The following GRM4 variants were observed in gnomAD, a reference collection of about 807,000 sequenced individuals.
GRM4 encodes the protein metabotropic glutamate receptor 4.
GRM4 carries 28 observed loss-of-function variants against 81.7 expected under a neutral mutation model. That is an observed-to-expected ratio of 0.34 (90% CI 0.25 to 0.47). The LOEUF is 0.47. Ranked by LOEUF, GRM4 falls within the 20% of genes least tolerant of loss-of-function variation. The pLI, the probability that GRM4 is intolerant of heterozygous loss-of-function variation, is 1.00. For synonymous variants in GRM4, 488 were observed against 528.8 expected (o/e 0.92, Z 1.06); for missense variants, 948 against 1,290.0 (o/e 0.73, Z 4.06).
rs1771119870 is a variant in GRM4 at position 34,155,005 on chromosome 6, C to G, written c.312+74G>C. On this transcript the variant is annotated intron_variant, in intron 1 of 8. Transcript: ENST00000374177. ...CCGAGCGGGACCCAGGCCCAGTCTA[C>G]GCCTCCCACAGTGCTGGGCACCTCC... The G allele has an allele frequency of 6.5e-6, 8 of 1,234,010 alleles. No homozygotes were observed. In the South Asian group the frequency reaches 1.1e-4, roughly 18 times the overall value. The allele number at this position is 1,234,010 out of a possible 1,614,324, so 76.4% of individuals were successfully genotyped here. A position where few individuals can be genotyped will look rare whatever the true frequency, so the allele number is the denominator to read the frequency against.
rs1474270034 is a variant in GRM4, at chr6:34,133,346, G to T, written c.151C>A (p.Leu51Met). The change falls in exon 2 of 11, where the codon CTG becomes ATG. Residue 51 changes from leucine to methionine, a missense_variant. Leu to Met is a conservative substitution (Grantham distance 15). Coordinates refer to ENST00000538487, the MANE Select transcript of GRM4 (RefSeq NM_000841.4). The surrounding 1 kb of genome is among the most constrained non-coding windows in gnomAD (Gnocchi z 6.5). ...CCATGCACCGGGAACAGGCCTCCCA[G>T]TGTGATGTCCCCATCTATGCGGATG... is the stretch of plus-strand genomic sequence containing the variant. ...NSIRIDGDIT[L>M]GGLFPVHGRG... 6.2e-7 allele frequency: 1 copy of T among 1,614,118 alleles called. No individual in the cohort carries two copies. The highest frequency in any genetic ancestry group is 8.5e-7 in the Non-Finnish European group (1 of 1,180,014).
intron 2 of GRM4, among the ~76,000 whole-genome samples, chr6:34,094,903 C>T (rs1056370895): frequency 6.6e-6 from 1 of 152,232 alleles, no homozygotes; most frequent in Non-Finnish European, 1.5e-5. Flanking sequence ...CTTCCAAGCT[C>T]CTTTCCAGGC....
intron 1 of GRM4, among the ~76,000 whole-genome samples, chr6:34,135,644 G>T (rs144218297): frequency 2.6e-5 from 4 of 152,344 alleles, no homozygotes; most frequent in African/African-American, 9.6e-5. Flanking sequence ...ACAAGGCGGG[G>T]AGCTGCACCT....
rs116024954 is a variant in GRM4 at position 34,048,651 on chromosome 6, T to C, written c.1168+7893A>G. On this transcript the variant is annotated intron_variant, in intron 6 of 10. Transcript: ENST00000538487. The surrounding 1 kb of genome is among the most constrained non-coding windows in gnomAD (Gnocchi z 4.0). ...CCACCCCAAATCTCACCTCGAATCATAATCCCCACATGTCAGGGAAGGGAC... is the reference window on the plus strand; with the variant it reads ...CCACCCCAAATCTCACCTCGAATCACAATCCCCACATGTCAGGGAAGGGAC... Among the ~76,000 whole-genome samples the C allele has an allele frequency of 3.9e-3, 589 of 152,260 alleles. 3 individuals are homozygous for C. The highest frequency in any genetic ancestry group is 9.0e-3 in the African/African-American group (374 of 41,548).
chr6:34,047,656 C>G lies in GRM4; in HGVS notation c.1169-6908G>C, dbSNP rs1765420839. Among the ~76,000 whole-genome samples, 1 of 152,170 alleles carries G rather than the reference C, an allele frequency of 6.6e-6. No homozygotes were observed. The highest frequency in any genetic ancestry group is 1.5e-5 in the Non-Finnish European group (1 of 68,030). ...TCTCCTCCATCCCTAGCTCTGTCCC[C>G]CACAACTCAGCCTTGGCCCAACACC... On this transcript the variant is annotated intron_variant, in intron 6 of 10. Coordinates refer to ENST00000538487, the MANE Select transcript of GRM4 (RefSeq NM_000841.4). This position sits in a 1 kb window ranked among gnomAD's most constrained non-coding sequence, Gnocchi z 4.5.
Position 34,090,889 on chromosome 6 carries a change from C to T in GRM4, c.736+994G>A, listed in dbSNP as rs1768167152. On this transcript the variant is annotated intron_variant, in intron 3 of 10. Coordinates refer to ENST00000538487, the MANE Select transcript of GRM4 (RefSeq NM_000841.4). This position sits in a 1 kb window ranked among gnomAD's most constrained non-coding sequence, Gnocchi z 5.2. ...TGTAGAGGCAGGGCCTTGGGAGAGA[C>T]CAGGGGCAGGGCAGACGGGCCCTCT... Among the ~76,000 whole-genome samples, 1 of 152,084 alleles carries T rather than the reference C, an allele frequency of 6.6e-6. No individual in the cohort carries two copies. Among genetic ancestry groups the T allele is most frequent in the Non-Finnish European group, 1.5e-5 (1 of 67,994 alleles).
Position 34,068,901 on chromosome 6 carries a change from G to A in GRM4, c.737-6873C>T, listed in dbSNP as rs930404294. Among the ~76,000 whole-genome samples the A allele has an allele frequency of 6.6e-6, 1 of 152,158 alleles. No individual in the cohort carries two copies. Among genetic ancestry groups the A allele is most frequent in the Non-Finnish European group, 1.5e-5 (1 of 68,030 alleles). Reference sequence around the variant, plus strand: ...TGGTCCTGAGGCCAGCAGAGACATAGGCACATCCTCGCTTTCTCCCTTCCT... The same window carrying A: ...TGGTCCTGAGGCCAGCAGAGACATAAGCACATCCTCGCTTTCTCCCTTCCT... On this transcript the variant is annotated intron_variant, in intron 3 of 10. Transcript: ENST00000538487. The surrounding 1 kb of genome is among the most constrained non-coding windows in gnomAD (Gnocchi z 4.2).
intron 6 of GRM4, among the ~76,000 whole-genome samples, chr6:34,050,387 T>C (rs1176080457): frequency 1.3e-5 from 2 of 152,204 alleles, no homozygotes; most frequent in African/African-American, 4.8e-5. Flanking sequence ...GGATTCCTCA[T>C]GAGTGGCTGG....
rs1764225197 is a variant in GRM4 at position 34,028,133 on chromosome 6, G to A, written c.2676C>T (p.Asn892=). 7 of 1,612,900 alleles carry A rather than the reference G, an allele frequency of 4.3e-6. No homozygotes were observed. Among genetic ancestry groups the A allele is most frequent in the Non-Finnish European group, 5.1e-6 (6 of 1,179,462 alleles). The change falls in exon 10 of 11, where the codon AAC becomes AAT. Residue 892 remains asparagine (N), a synonymous_variant. Transcript: ENST00000538487. ...NGEAKSELCE[N]LEAPALATKQ... ...CCAGGCACTCACCTGGGGCCTCAAG[G>A]TTCTCGCAGAGCTCAGACTTGGCCT...
At chr6:34,030,005 C>T (rs1764333677) in intron 9 of GRM4, among the ~76,000 whole-genome samples, 1 of 152,244 alleles carries the variant, frequency 6.6e-6, no homozygotes, top group South Asian at 2.1e-4. Flanking sequence ...CCTCCATCCT[C>T]AGATACTACT....
At chr6:34,110,947 G>C (rs773665877) in intron 2 of GRM4, 6 of 901,196 alleles carry the variant, frequency 6.7e-6, no homozygotes, top group Non-Finnish European at 8.7e-6. Flanking sequence ...CTCTCCAGGG[G>C]AACGCTGTGC....
At chr6:34,117,633 C>T (rs2127502108) in intron 2 of GRM4, among the ~76,000 whole-genome samples, 1 of 152,324 alleles carries the variant, frequency 6.6e-6, no homozygotes, top group Admixed American at 6.5e-5. Context: ...TCCGGCACGT[C>T]TCTCCAGGGC....
Position 34,098,431 on chromosome 6 carries a change from C to T in GRM4, c.520-6332G>A, listed in dbSNP as rs139688210. 2.1e-3 allele frequency among the ~76,000 whole-genome samples: 327 copies of T among 152,342 alleles called. 3 individuals are homozygous for T. Among genetic ancestry groups the T allele is most frequent in the African/African-American group, 7.0e-3 (293 of 41,582 alleles). ...CTTGCTGACTCTGCTCTTTCTGTTC[C>T]ACCCATGGGCCAGGCCAGGCCACCA... is the stretch of plus-strand genomic sequence containing the variant. On this transcript the variant is annotated intron_variant, in intron 2 of 10. Transcript: ENST00000538487.
chr6:34,133,564 G>A lies in GRM4; in HGVS notation c.-68C>T, dbSNP rs376996441. On this transcript the variant is annotated 5_prime_UTR_variant, in exon 2 of 11. Transcript: ENST00000538487. This position sits in a 1 kb window ranked among gnomAD's most constrained non-coding sequence, Gnocchi z 6.5. ...AGCCCTGGCAGGCCCCTGGCCCCAC[G>A]GCCTGGGTGGGCATGGGCAGGGCAG... is the stretch of plus-strand genomic sequence containing the variant. 24 of 1,495,098 alleles carry A rather than the reference G, an allele frequency of 1.6e-5. No homozygotes were observed. The highest frequency in any genetic ancestry group is 4.6e-5 in the Admixed American group (2 of 43,646). The allele number at this position is 1,495,098 out of a possible 1,614,324, so 92.6% of individuals were successfully genotyped here.
Position 34,152,957 on chromosome 6 carries a change from CA to C in GRM4, c.312+2121del, listed in dbSNP as rs1771074449. On this transcript the variant is annotated intron_variant, in intron 1 of 8. Coordinates refer to the GRM4 transcript ENST00000374177. This position sits in a 1 kb window ranked among gnomAD's most constrained non-coding sequence, Gnocchi z 4.1. ...GCACACCGGAGCCCTTGCTGCATGC[CA>C]GGTGCTCATCAGAGTCTCCACAACA... is the stretch of plus-strand genomic sequence containing the variant. 6.6e-6 allele frequency among the ~76,000 whole-genome samples: 1 copy of C among 152,022 alleles called. No homozygotes were observed. The highest frequency in any genetic ancestry group is 2.4e-5 in the African/African-American group (1 of 41,366).
chr6:34,142,933 C>T (rs1199494152), intron 1 of GRM4, among the ~76,000 whole-genome samples: 4 of 152,176 alleles, frequency 2.6e-5, no homozygotes, highest in South Asian at 2.1e-4. Context: ...TGCTTGGTGA[C>T]GAGCTACATG....
intron 6 of GRM4, among the ~76,000 whole-genome samples, chr6:34,045,246 A>G (rs888386421): frequency 4.6e-5 from 7 of 152,336 alleles, no homozygotes; most frequent in Admixed American, 3.3e-4. Context: ...TATGCCTGTG[A>G]CGGCAGCAGC....
Position 34,039,011 on chromosome 6 carries a change from C to T in GRM4, c.1506+1167G>A, listed in dbSNP as rs185679317. ...GCTGCCGCTAGTGAGTTGCAGTCCC[C>T]GGCCCCCGTGCTCTGCCCACTGCAC... is the stretch of plus-strand genomic sequence containing the variant. On this transcript the variant is annotated intron_variant, in intron 8 of 10. Coordinates refer to ENST00000538487, the MANE Select transcript of GRM4 (RefSeq NM_000841.4). Among the ~76,000 whole-genome samples the T allele has an allele frequency of 3.9e-5, 6 of 152,296 alleles. No individual in the cohort carries two copies. The South Asian group carries it at 6.2e-4, about 16-fold the overall frequency.
At chr6:34,127,586 C>T (rs556026298) in intron 2 of GRM4, among the ~76,000 whole-genome samples, 2 of 152,100 alleles carry the variant, frequency 1.3e-5, no homozygotes, top group Non-Finnish European at 2.9e-5. Flanking sequence ...AAGATCTCTC[C>T]GGCTGCTGAG....
Sources: gnomAD v4.1 joint callset for allele counts (sites outside exome capture counted in the v4.1 genomes callset) on GRCh38, gnomAD v4.1.1 for gene constraint, Gnocchi (gnomAD v3.1) non-coding constraint, MANE v1.5 for transcripts, NCBI Gene and HGNC (gene_info 2026-07-23, HGNC 2026-07-21) for gene names.